RAB6B: variants seen among roughly 807,000 people sequenced by gnomAD.
The protein encoded by RAB6B is RAB6B, member RAS oncogene family, also known as ras-related protein Rab-6B.
In RAB6B, 7 loss-of-function variants were observed where a neutral mutation model predicts 31.2. The ratio of observed to expected loss-of-function variants is 0.22; its 90% CI spans 0.13 to 0.42. The LOEUF is 0.42. RAB6B is among the 10% of genes least tolerant of loss of function. The probability of loss-of-function intolerance (pLI) is 1.00; values close to 1 mark genes in which losing one functional copy is unlikely to be tolerated. For missense variants in RAB6B, 149 were observed against 280.6 expected, an observed-to-expected ratio of 0.53 and a Z score of 3.35; for synonymous variants, 105 against 104.9, an observed-to-expected ratio of 1.00 and a Z score of -0.01.
At chr3:133,878,401 GA>G (rs1044301483) in intron 1 of RAB6B, among the ~76,000 whole-genome samples, 1 of 152,090 alleles carries the variant, frequency 6.6e-6, no homozygotes, top group Non-Finnish European at 1.5e-5. Context: ...AGTACTGAAA[GA>G]AAAAAACCTG....
chr3:133,885,435 A>G, intron 1 of RAB6B: 3 of 700,508 alleles, frequency 4.3e-6, no homozygotes, highest in Non-Finnish European at 7.8e-6. Flanking sequence ...ACGGGAACTC[A>G]CATACCCAGT....
intron 1 of RAB6B, among the ~76,000 whole-genome samples, chr3:133,891,624 G>T (rs577480068): frequency 3.9e-5 from 6 of 152,300 alleles, no homozygotes; most frequent in South Asian, 2.1e-4. Context: ...GCAGGAATAC[G>T]CTCAAAGAAT....
At chr3:133,881,531 C>T (rs886725513) in intron 1 of RAB6B, among the ~76,000 whole-genome samples, 1 of 152,196 alleles carries the variant, frequency 6.6e-6, no homozygotes, top group Non-Finnish European at 1.5e-5. Flanking sequence ...ACACTAATGC[C>T]TGGAGGCCCA....
At chr3:133,833,850 A>G (rs1206969689) in intron 7 of RAB6B, among the ~76,000 whole-genome samples, 2 of 152,180 alleles carry the variant, frequency 1.3e-5, no homozygotes, top group African/African-American at 2.4e-5. Context: ...GGTGTGGGCA[A>G]TGGCTTCCCC....
At chr3:133,836,187 A>G (rs1012016286) in intron 6 of RAB6B, among the ~76,000 whole-genome samples, 16 of 152,202 alleles carry the variant, frequency 1.1e-4, no homozygotes, top group African/African-American at 3.9e-4. Context: ...TGGGCCCAGC[A>G]TGGTGTGAGA....
At position 133,895,468 on chromosome 3, in the gene RAB6B, G is replaced by A; in HGVS notation, c.-2C>T. ...CCCAAAATCTCCCCCTGCGGACATG[G>A]TGCTGGCAGCCGGGGCCGGGAGAGG... On this transcript the variant is annotated 5_prime_UTR_variant, in exon 1 of 8. Coordinates refer to ENST00000285208, the MANE Select transcript of RAB6B (RefSeq NM_016577.4). The A allele has an allele frequency of 1.2e-6, 2 of 1,611,522 alleles. No homozygotes were observed. The highest frequency in any genetic ancestry group is 1.7e-6 in the Non-Finnish European group (2 of 1,178,898).
intron 2 of RAB6B, among the ~76,000 whole-genome samples, chr3:133,861,026 C>T (rs770266789): frequency 6.6e-6 from 1 of 152,222 alleles, no homozygotes; most frequent in South Asian, 2.1e-4. Context: ...AAATCCTCCC[C>T]CTCCATCCCC....
chr3:133,875,754 T>C (rs1438114541), intron 1 of RAB6B, among the ~76,000 whole-genome samples: 1 of 152,178 alleles, frequency 6.6e-6, no homozygotes, highest in Non-Finnish European at 1.5e-5. Context: ...GGACAATCCA[T>C]TTCCCTACCT....
At position 133,827,066 on chromosome 3, in the gene RAB6B, T is replaced by C. The variant is rs1362201360; in HGVS notation, c.*1722A>G. 1.3e-5 allele frequency: 2 copies of C among 152,682 alleles called. No homozygotes were observed. Among genetic ancestry groups the C allele is most frequent in the African/African-American group, 4.8e-5 (2 of 41,474 alleles). The allele number at this position is 152,682 out of a possible 1,614,324, so 9.5% of individuals were successfully genotyped here. On this transcript the variant is annotated 3_prime_UTR_variant, in exon 8 of 8. Transcript: ENST00000285208. Reference sequence around the variant, plus strand: ...CCTCTCTTCTTCACCTGAAGATAAATTCCTTGCTAGAGATGAGCTCTGGCA... The same window carrying C: ...CCTCTCTTCTTCACCTGAAGATAAACTCCTTGCTAGAGATGAGCTCTGGCA...
At chr3:133,874,206 A>C (rs1261176133) in intron 1 of RAB6B, among the ~76,000 whole-genome samples, 3 of 152,200 alleles carry the variant, frequency 2.0e-5, no homozygotes, top group Non-Finnish European at 4.4e-5. Flanking sequence ...TCATCCATCT[A>C]TCTATCTATA....
chr3:133,861,366 G>C (rs1456104786), intron 2 of RAB6B, among the ~76,000 whole-genome samples: 1 of 152,180 alleles, frequency 6.6e-6, no homozygotes, highest in Non-Finnish European at 1.5e-5. Flanking sequence ...ACACATGTGT[G>C]TATGTGTGTT....
intron 2 of RAB6B, among the ~76,000 whole-genome samples, chr3:133,862,691 T>C (rs1334306178): frequency 6.6e-6 from 1 of 151,840 alleles, no homozygotes; most frequent in Non-Finnish European, 1.5e-5. Flanking sequence ...CAGTAGGCAA[T>C]GGGAGACGAC....
chr3:133,839,206 T>C (rs569696615), intron 5 of RAB6B, among the ~76,000 whole-genome samples: 12 of 152,370 alleles, frequency 7.9e-5, no homozygotes, highest in African/African-American at 2.6e-4. Context: ...GCTGTGGCCA[T>C]GGCAGGGCCT....
intron 2 of RAB6B, among the ~76,000 whole-genome samples, 166 bp from the exon 3 acceptor site, chr3:133,841,829 C>T (rs1190958026): frequency 3.3e-5 from 5 of 152,218 alleles, no homozygotes; most frequent in Admixed American, 6.5e-5. Context: ...CACTCAGCGG[C>T]TCTCTCACTG....
chr3:133,865,231 C>T (rs755945548), intron 1 of RAB6B, among the ~76,000 whole-genome samples: 3 of 152,202 alleles, frequency 2.0e-5, no homozygotes, highest in African/African-American at 4.8e-5. Flanking sequence ...CCTGGAACCC[C>T]GCTAGGTAAA....
chr3:133,829,147 G>A (rs528893085), intron 7 of RAB6B, among the ~76,000 whole-genome samples: 5 of 152,028 alleles, frequency 3.3e-5, no homozygotes, highest in African/African-American at 4.8e-5. Flanking sequence ...GCCTTCCCTC[G>A]ACCAGTGCTC....
Position 133,841,265 on chromosome 3 carries a change from A to G in RAB6B, c.289+20T>C. 1 of 1,613,562 alleles carries G rather than the reference A, an allele frequency of 6.2e-7. No individual in the cohort carries two copies. The highest frequency in any genetic ancestry group is 8.5e-7 in the Non-Finnish European group (1 of 1,179,512). On this transcript the variant is annotated intron_variant, in intron 4 of 7. Transcript: ENST00000285208. ...GACCCCCTATGAGCCACCCTCCCTTAGGAGCAGAGCCTCACTCACTTGTGA... is the reference window on the plus strand; with the variant it reads ...GACCCCCTATGAGCCACCCTCCCTTGGGAGCAGAGCCTCACTCACTTGTGA...
At chr3:133,889,430 ATATATATATATATATT>A (rs1265090458) in intron 1 of RAB6B, among the ~76,000 whole-genome samples, 7 of 62,828 alleles carry the variant, frequency 1.1e-4, no homozygotes, top group African/African-American at 5.2e-4. Flanking sequence ...ATATATATAT[ATATATATATATATATT>A]TATTTTGGGA....
intron 6 of RAB6B, among the ~76,000 whole-genome samples, chr3:133,837,195 C>A (rs1414567381): frequency 1.3e-5 from 2 of 152,128 alleles, no homozygotes; most frequent in African/African-American, 4.8e-5. Context: ...TTAACCCTTC[C>A]GTGAGCCAAG....
Sources: allele counts gnomAD v4.1 joint callset (sites outside exome capture counted in the v4.1 genomes callset), GRCh38; gene constraint gnomAD v4.1.1; transcripts MANE v1.5; gene names NCBI Gene and HGNC (gene_info 2026-07-23, HGNC 2026-07-21).